Variants in PCDHGA11 observed in about 807,000 individuals in gnomAD.
The protein encoded by PCDHGA11 is protocadherin gamma subfamily A, 11, also known as protocadherin gamma-A11.
Under a neutral mutation model 60.4 loss-of-function variants are expected in PCDHGA11, and 39 were observed. That is an observed-to-expected ratio of 0.65 (90% confidence interval 0.50 to 0.84). PCDHGA11 has a LOEUF of 0.84. PCDHGA11 is among the 40% of genes least tolerant of loss of function. The pLI is 0.00. For synonymous variants in PCDHGA11, 533 were observed against 510.3 expected (o/e 1.04, Z -0.60); for missense variants, 1,165 against 1,197.7 (o/e 0.97, Z 0.40).
intron 1 of PCDHGA11, among the ~76,000 whole-genome samples, chr5:141,456,033 G>A (rs1398584179): frequency 6.6e-6 from 1 of 151,884 alleles, no homozygotes; most frequent in Non-Finnish European, 1.5e-5. Flanking sequence ...GAGTAGCTGG[G>A]ACTACAGGCG....
At position 141,422,820 on chromosome 5, in the gene PCDHGA11, G is replaced by A. The variant is rs904706749; in HGVS notation, c.1593G>A (p.Leu531=). ...FDYEQFRDLE[L]RVIARDSGDP... The stretch of plus-strand genomic sequence containing the variant: ...ATGAGCAGTTTCGAGACTTAGAACT[G>A]AGAGTGATAGCACGTGACAGCGGGG... Residue 531 remains leucine (L), a synonymous_variant, in exon 1 of 4, where the codon CTG becomes CTA. Transcript: ENST00000398587. 6.2e-6 allele frequency: 10 copies of A among 1,614,178 alleles called. No homozygotes were observed. The highest frequency in any genetic ancestry group is 7.6e-6 in the Non-Finnish European group (9 of 1,179,996).
chr5:141,489,073 C>A lies in PCDHGA11; in HGVS notation c.2434-5734C>A, dbSNP rs2099681983. 3.2e-6 allele frequency: 1 copy of A among 315,630 alleles called. No individual in the cohort carries two copies. The highest frequency in any genetic ancestry group is 5.7e-6 in the Non-Finnish European group (1 of 173,976). 19.6% of individuals were successfully genotyped at this position (315,630 alleles called of 1,614,324 possible). A position where few individuals can be genotyped will look rare whatever the true frequency, so the allele number is the denominator to read the frequency against. ...ATTCAGCTCCCCTCCCCCCTGCCCA[C>A]CCCCGCCACTCGGTGACTAAGAACT... On this transcript the variant is annotated intron_variant, in intron 1 of 3. Coordinates refer to ENST00000398587, the MANE Select transcript of PCDHGA11 (RefSeq NM_018914.3). The surrounding 1 kb of genome is among the most constrained non-coding windows in gnomAD (Gnocchi z 4.5).
Position 141,490,089 on chromosome 5 carries a change from C to G in PCDHGA11, c.2434-4718C>G. On this transcript the variant is annotated intron_variant, in intron 1 of 3. Transcript: ENST00000398587. This position sits in a 1 kb window ranked among gnomAD's most constrained non-coding sequence, Gnocchi z 5.4. ...GCCAACTAGACTATTCTTTTGGAGACCACACATCTGAGGCAGTGCGGAACC... is the reference window on the plus strand; with the variant it reads ...GCCAACTAGACTATTCTTTTGGAGAGCACACATCTGAGGCAGTGCGGAACC... 1 of 1,614,232 alleles carries G rather than the reference C, an allele frequency of 6.2e-7. No homozygotes were observed. The highest frequency in any genetic ancestry group is 8.5e-7 in the Non-Finnish European group (1 of 1,180,026).
chr5:141,435,593 G>T (rs183768133), intron 1 of PCDHGA11, among the ~76,000 whole-genome samples: 1 of 152,112 alleles, frequency 6.6e-6, no homozygotes, highest in East Asian at 1.9e-4. Flanking sequence ...CAGTAATATC[G>T]CCTGCTTTTT....
intron 1 of PCDHGA11, among the ~76,000 whole-genome samples, chr5:141,461,248 C>A (rs1209563726): frequency 6.6e-6 from 1 of 152,038 alleles, no homozygotes; most frequent in Non-Finnish European, 1.5e-5. Context: ...AATTTATATT[C>A]CCAGCAGCAA....
chr5:141,494,818 C>T lies in PCDHGA11; in HGVS notation c.2445C>T (p.Pro815=). The part of the protein sequence containing the change: ...CDPTSNQQAP[P]NTDWRFSQAQ... ...TGTTTTCTCCACAGCAAGCCCCGCCCAACACGGACTGGCGTTTCTCTCAGG... is the reference window on the plus strand; with the variant it reads ...TGTTTTCTCCACAGCAAGCCCCGCCTAACACGGACTGGCGTTTCTCTCAGG... Residue 815 remains proline (P), a synonymous_variant, in exon 2 of 4, where the codon CCC becomes CCT. Transcript: ENST00000398587. 1.9e-6 allele frequency: 3 copies of T among 1,614,152 alleles called. No homozygotes were observed. The highest frequency in any genetic ancestry group is 2.2e-5 in the South Asian group (2 of 91,074).
intron 1 of PCDHGA11, among the ~76,000 whole-genome samples, chr5:141,456,460 C>G (rs1444956833): frequency 6.6e-6 from 1 of 152,002 alleles, no homozygotes; most frequent in East Asian, 1.9e-4. Context: ...AATATCAATA[C>G]AAGACATATA....
rs779233337 is a variant in PCDHGA11 at position 141,423,003 on chromosome 5, G to A, written c.1776G>A (p.Val592=). Residue 592 remains valine, a synonymous_variant, in exon 1 of 4, where the codon GTG becomes GTA. Transcript: ENST00000398587. The part of the protein sequence containing the change: ...SAEPGYLVTK[V]VAVDKDSGQN... The stretch of plus-strand genomic sequence containing the variant: ...AACCTGGCTACCTGGTGACCAAGGT[G>A]GTTGCGGTGGACAAAGATTCAGGCC... 6.2e-7 allele frequency: 1 copy of A among 1,614,208 alleles called. No homozygotes were observed. Among genetic ancestry groups the A allele is most frequent in the African/African-American group, 1.3e-5 (1 of 75,066 alleles).
At position 141,432,252 on chromosome 5, in the gene PCDHGA11, G is replaced by A. The variant is rs749107567; in HGVS notation, c.2433+8592G>A. 3.7e-6 allele frequency: 6 copies of A among 1,614,220 alleles called. No homozygotes were observed. The highest frequency in any genetic ancestry group is 5.1e-6 in the Non-Finnish European group (6 of 1,180,042). ...TCCCTGGCTGAGAACACCATCCAAG[G>A]GGCAAGCCTATCGTCCTACGTGTCC... On this transcript the variant is annotated intron_variant, in intron 1 of 3. Coordinates refer to ENST00000398587, the MANE Select transcript of PCDHGA11 (RefSeq NM_018914.3). The surrounding 1 kb of genome is among the most constrained non-coding windows in gnomAD (Gnocchi z 6.0).
intron 1 of PCDHGA11, chr5:141,427,741 C>T (rs748636652): frequency 8.1e-7 from 1 of 1,240,376 alleles, no homozygotes; most frequent in Non-Finnish European, 1.2e-6. Context: ...GGCCAAGTCT[C>T]CTACTCCATC....
At chr5:141,471,926 G>T (rs2099266798) in intron 1 of PCDHGA11, among the ~76,000 whole-genome samples, 1 of 152,110 alleles carries the variant, frequency 6.6e-6, no homozygotes, top group African/African-American at 2.4e-5. Flanking sequence ...AATTTTGGGG[G>T]TGATGAGAGT....
At chr5:141,481,822 G>A (rs1017311512) in intron 1 of PCDHGA11, among the ~76,000 whole-genome samples, 12 of 151,620 alleles carry the variant, frequency 7.9e-5, no homozygotes, top group Non-Finnish European at 1.5e-4. Context: ...CGTGGTGGCT[G>A]AGGCAGGAGA....
In PCDHGA11 at chr5:141,482,326, GAAT is replaced by G. The variant is rs1344469521; in HGVS notation, c.2434-12479_2434-12477del. Among the ~76,000 whole-genome samples, 3 of 152,072 alleles carry G rather than the reference GAAT, an allele frequency of 2.0e-5. No homozygotes were observed. The East Asian group carries it at 5.8e-4, about 29-fold the overall frequency. ...AGTTTCCTCATCTATAAAATAAAGAGAATATCTACTTTGCAAACTTGTTGTGAG... is the reference window on the plus strand; with the variant it reads ...AGTTTCCTCATCTATAAAATAAAGAGATCTACTTTGCAAACTTGTTGTGAG... On this transcript the variant is annotated intron_variant, in intron 1 of 3. Transcript: ENST00000398587.
chr5:141,431,450 A>T lies in PCDHGA11; in HGVS notation c.2433+7790A>T, dbSNP rs1468567743. 1 of 1,613,740 alleles carries T rather than the reference A, an allele frequency of 6.2e-7. No homozygotes were observed. Among genetic ancestry groups the T allele is most frequent in the Admixed American group, 1.7e-5 (1 of 60,032 alleles). ...CACAGGCACCGCGCGCATCCGCGTG[A>T]TGGTTCTGGATGCGAACGACAACGC... On this transcript the variant is annotated intron_variant, in intron 1 of 3. Transcript: ENST00000398587. This position sits in a 1 kb window ranked among gnomAD's most constrained non-coding sequence, Gnocchi z 4.8.
intron 1 of PCDHGA11, chr5:141,468,346 AAAAG>A (rs2099164910): frequency 6.8e-6 from 1 of 147,210 alleles, no homozygotes; most frequent in South Asian, 2.2e-4. Flanking sequence ...AAAAAAAAAA[AAAAG>A]AAAGAAAAAA....
intron 1 of PCDHGA11, chr5:141,428,064 G>A: frequency 6.2e-7 from 1 of 1,609,060 alleles, no homozygotes; most frequent in East Asian, 2.2e-5. Flanking sequence ...GGCGGTGGAC[G>A]CAGATTCGGG....
At chr5:141,470,602 G>A (rs1004044883) in intron 1 of PCDHGA11, among the ~76,000 whole-genome samples, 1 of 152,268 alleles carries the variant, frequency 6.6e-6, no homozygotes, top group South Asian at 2.1e-4. Flanking sequence ...ACCTGTGCGG[G>A]GACACAGGGC....
rs758132181 is a variant in PCDHGA11, at chr5:141,486,827, C to T, written c.2434-7980C>T. On this transcript the variant is annotated intron_variant, in intron 1 of 3. Coordinates refer to ENST00000398587, the MANE Select transcript of PCDHGA11 (RefSeq NM_018914.3). This position sits in a 1 kb window ranked among gnomAD's most constrained non-coding sequence, Gnocchi z 5.0. The stretch of plus-strand genomic sequence containing the variant: ...ACCCCTTAGCAGCACTGTAACAGTT[C>T]GTCTATTTGTGCTGGACCTCAATGA... 10 of 1,614,110 alleles carry T rather than the reference C, an allele frequency of 6.2e-6. No individual in the cohort carries two copies. The African/African-American group carries it at 8.0e-5, about 13-fold the overall frequency.
In PCDHGA11 at chr5:141,489,734, A is replaced by G; in HGVS notation, c.2434-5073A>G. The G allele has an allele frequency of 6.2e-7, 1 of 1,614,164 alleles. No individual in the cohort carries two copies. Among genetic ancestry groups the G allele is most frequent in the Non-Finnish European group, 8.5e-7 (1 of 1,180,028 alleles). On this transcript the variant is annotated intron_variant, in intron 1 of 3. Transcript: ENST00000398587. This position sits in a 1 kb window ranked among gnomAD's most constrained non-coding sequence, Gnocchi z 4.5. ...GCCCAGGATCCGGATGTGGGCACCAATACTGTGAGCTTTTACACTCTAAGC... is the reference window on the plus strand; with the variant it reads ...GCCCAGGATCCGGATGTGGGCACCAGTACTGTGAGCTTTTACACTCTAAGC...
Sources: gnomAD v4.1 joint callset for allele counts (sites outside exome capture counted in the v4.1 genomes callset) on GRCh38, gnomAD v4.1.1 for gene constraint, Gnocchi (gnomAD v3.1) non-coding constraint, MANE v1.5 for transcripts, NCBI Gene and HGNC (gene_info 2026-07-23, HGNC 2026-07-21) for gene names.